Variants in CNST observed in about 807,000 individuals in gnomAD.
CNST encodes consortin, connexin sorting protein, also known as consortin.
A neutral mutation model predicts 72.4 loss-of-function variants in CNST; 39 were observed. The observed-to-expected ratio is 0.54, with a 90% confidence interval of 0.42 to 0.70. CNST has a LOEUF of 0.70. CNST is among the 30% of genes least tolerant of loss of function. The probability of loss-of-function intolerance (pLI) is 0.00; values close to 1 mark genes in which losing one functional copy is unlikely to be tolerated. For synonymous variants in CNST, 332 were observed against 320.1 expected, an observed-to-expected ratio of 1.04 and a Z score of -0.40; for missense variants, 871 against 868.5, an observed-to-expected ratio of 1.00 and a Z score of -0.04.
At chr1:246,573,432 T>C (rs991233639) in intron 1 of CNST, among the ~76,000 whole-genome samples, 13 of 152,256 alleles carry the variant, frequency 8.5e-5, no homozygotes, top group Admixed American at 7.2e-4. Context: ...CAGAGAAAGC[T>C]GTATTTCAAA....
chr1:246,594,860 C>T (rs7512411), intron 2 of CNST, among the ~76,000 whole-genome samples: 140,048 of 152,234 alleles, frequency 0.92, 64,433 homozygotes, highest in African/African-American at 0.95. Flanking sequence ...CAGTCTCTAC[C>T]TTGTTGTTGT....
intron 2 of CNST, among the ~76,000 whole-genome samples, chr1:246,592,583 AT>A (rs1258769729): frequency 1.3e-5 from 2 of 152,210 alleles, no homozygotes. Context: ...TCCCTCCTTT[AT>A]AAATTAGACC....
intron 6 of CNST, among the ~76,000 whole-genome samples, chr1:246,637,000 T>C (rs200274913): frequency 6.6e-6 from 1 of 152,170 alleles, no homozygotes; most frequent in East Asian, 1.9e-4. Context: ...TTAAGACTTT[T>C]GGTTGGAAGT....
intron 4 of CNST, 146 bp from the exon 5 acceptor site, chr1:246,633,778 T>C: frequency 1.8e-6 from 1 of 564,688 alleles, no homozygotes; most frequent in Non-Finnish European, 3.2e-6. Context: ...AACATTACTT[T>C]AGATATGTTT....
At chr1:246,615,813 G>A (rs1393449303) in intron 2 of CNST, among the ~76,000 whole-genome samples, 1 of 152,032 alleles carries the variant, frequency 6.6e-6, no homozygotes, top group Non-Finnish European at 1.5e-5. Context: ...AGGAGGTGGA[G>A]GTTGCGGTGA....
At chr1:246,652,413 T>G (rs1188552455) in intron 9 of CNST, among the ~76,000 whole-genome samples, 17 of 152,202 alleles carry the variant, frequency 1.1e-4, no homozygotes. Flanking sequence ...GAGGTTGAAA[T>G]TGAATGTTGG....
chr1:246,644,386 T>TC (rs1361774972), intron 8 of CNST, among the ~76,000 whole-genome samples: 2 of 29,254 alleles, frequency 6.8e-5, no homozygotes, highest in Non-Finnish European at 1.3e-4. Context: ...AGACTCTGTC[T>TC]CCAAAAAAAA....
chr1:246,589,397 G>A (rs1661397868), intron 1 of CNST, among the ~76,000 whole-genome samples: 1 of 151,760 alleles, frequency 6.6e-6, no homozygotes, highest in Admixed American at 6.6e-5. Flanking sequence ...AGTTTGCTGA[G>A]AATGATGGTT....
intron 9 of CNST, among the ~76,000 whole-genome samples, chr1:246,649,485 C>G (rs980579765): frequency 2.0e-5 from 3 of 152,126 alleles, no homozygotes; most frequent in African/African-American, 7.2e-5. Flanking sequence ...AGCTTATACC[C>G]ATATTCAAAT....
chr1:246,639,604 T>C (rs2103116111), intron 6 of CNST, among the ~76,000 whole-genome samples: 1 of 152,070 alleles, frequency 6.6e-6, no homozygotes, highest in Middle Eastern at 3.4e-3. Flanking sequence ...ATGGCAGTCT[T>C]TTTGAGAGGG....
chr1:246,588,754 T>G (rs1661354343), intron 1 of CNST, among the ~76,000 whole-genome samples: 1 of 152,218 alleles, frequency 6.6e-6, no homozygotes, highest in South Asian at 2.1e-4. Flanking sequence ...ACTAAATCAT[T>G]GAAATATGGT....
At position 246,591,901 on chromosome 1, in the gene CNST, T is replaced by TC; in HGVS notation, c.341dup (p.Arg115LysfsTer8). On this transcript the variant is annotated frameshift_variant, in exon 2 of 11. Coordinates refer to ENST00000366513, the MANE Select transcript of CNST (RefSeq NM_152609.3). LOFTEE classifies it high-confidence loss of function. The stretch of plus-strand genomic sequence containing the variant: ...ACAAAAAAATTCCTGGAAAAAGAAG[T>TC]CCAAGAAGCAAAAAAGGGACTGCTA... 1.2e-6 allele frequency: 2 copies of TC among 1,613,354 alleles called. No homozygotes were observed. Among genetic ancestry groups the TC allele is most frequent in the Non-Finnish European group, 1.7e-6 (2 of 1,179,790 alleles).
chr1:246,645,779 C>T (rs1666026602), intron 8 of CNST, among the ~76,000 whole-genome samples: 2 of 152,048 alleles, frequency 1.3e-5, no homozygotes, highest in Admixed American at 6.5e-5. Context: ...ACCAATAAAG[C>T]GAGGATAAGC....
At chr1:246,593,540 C>T (rs1661684992) in intron 2 of CNST, among the ~76,000 whole-genome samples, 1 of 152,096 alleles carries the variant, frequency 6.6e-6, no homozygotes, top group South Asian at 2.1e-4. Flanking sequence ...GACAAGGTTT[C>T]ACCATGTTGG....
intron 6 of CNST, among the ~76,000 whole-genome samples, chr1:246,635,688 GT>G (rs921183138): frequency 2.6e-5 from 4 of 152,200 alleles, no homozygotes; most frequent in African/African-American, 9.7e-5. Context: ...CGCTGGGGCG[GT>G]TTGGTTAGTG....
intron 1 of CNST, 27 bp downstream of exon 1, chr1:246,566,690 G>A (rs565816997): frequency 6.2e-4 from 250 of 400,342 alleles, no homozygotes; most frequent in Middle Eastern, 5.0e-3. Flanking sequence ...CGGGATGCAG[G>A]GGACCCGCCG....
intron 1 of CNST, among the ~76,000 whole-genome samples, chr1:246,581,425 G>A (rs1660777513): frequency 6.6e-6 from 1 of 152,178 alleles, no homozygotes; most frequent in South Asian, 2.1e-4. Context: ...CTCCACGCCT[G>A]GCTGATTTTG....
At chr1:246,603,319 C>G (rs1191156948) in intron 2 of CNST, among the ~76,000 whole-genome samples, 1 of 150,204 alleles carries the variant, frequency 6.7e-6, no homozygotes, top group Non-Finnish European at 1.5e-5. Context: ...CTGTGAAAGT[C>G]AAACTTTCCA....
chr1:246,573,256 A>G (rs1200747157), intron 1 of CNST, among the ~76,000 whole-genome samples: 1 of 152,246 alleles, frequency 6.6e-6, no homozygotes, highest in Non-Finnish European at 1.5e-5. Flanking sequence ...TAAGCACTGT[A>G]AAGAGCCAAA....
Sources: gnomAD v4.1 joint callset for allele counts (sites outside exome capture counted in the v4.1 genomes callset) on GRCh38, gnomAD v4.1.1 for gene constraint, MANE v1.5 for transcripts, NCBI Gene and HGNC (gene_info 2026-07-23, HGNC 2026-07-21) for gene names.